NRF1: variants seen among roughly 807,000 people sequenced by gnomAD.
NRF1 encodes the protein nuclear respiratory factor 1, also known as alpha palindromic-binding protein.
A neutral mutation model predicts 58.5 loss-of-function variants in NRF1; 5 were observed. The observed-to-expected ratio is 0.09, with a 90% CI of 0.04 to 0.18. NRF1 has a LOEUF of 0.18. Ranked by LOEUF, NRF1 falls within the 10% of genes least tolerant of loss-of-function variation. The pLI is 1.00. For missense variants in NRF1, 288 were observed against 657.7 expected (o/e 0.44, Z 6.15); for synonymous variants, 224 against 246.7 (o/e 0.91, Z 0.86).
At chr7:129,705,376 C>T (rs906412711) in intron 5 of NRF1, among the ~76,000 whole-genome samples, 9 of 152,100 alleles carry the variant, frequency 5.9e-5, no homozygotes, top group East Asian at 1.9e-4. Flanking sequence ...CTGCAACCTC[C>T]GCCTCCCGGG....
chr7:129,634,808 C>T (rs1801132587), intron 1 of NRF1, among the ~76,000 whole-genome samples: 2 of 152,144 alleles, frequency 1.3e-5, no homozygotes, highest in South Asian at 4.1e-4. Context: ...TTTCAGGTTG[C>T]TCGTGTGTTT....
rs1019825405 is a variant in NRF1, at chr7:129,644,096, C to G, written c.-6-13250C>G. ...CCATGTCCTTGCAGTTTTGTCTTCTCTGTGCTCCCTTAACCCTTAGCAAAT... is the reference window on the plus strand; with the variant it reads ...CCATGTCCTTGCAGTTTTGTCTTCTGTGTGCTCCCTTAACCCTTAGCAAAT... On this transcript the variant is annotated intron_variant, in intron 1 of 10. Coordinates refer to ENST00000393232, the MANE Select transcript of NRF1 (RefSeq NM_005011.5). 4.6e-5 allele frequency among the ~76,000 whole-genome samples: 7 copies of G among 152,196 alleles called. No homozygotes were observed. The East Asian group carries it at 1.3e-3, about 29-fold the overall frequency.
chr7:129,657,355 G>T lies in NRF1; in HGVS notation c.4G>T (p.Glu2Ter), dbSNP rs1392038097. 1 of 1,613,082 alleles carries T rather than the reference G, an allele frequency of 6.2e-7. No individual in the cohort carries two copies. M[E>*]EHGVTQTEHM... ...TTTTGTCTGACAGTAGAACTTCATG[G>T]AGGAACACGGAGTGACCCAAACCGA... is the stretch of plus-strand genomic sequence containing the variant. The change falls in exon 2 of 11, where the codon GAG becomes TAG. Residue 2 changes from glutamate to a stop codon, truncating the protein, a stop_gained. Coordinates refer to ENST00000393232, the MANE Select transcript of NRF1 (RefSeq NM_005011.5). LOFTEE classifies it high-confidence loss of function.
intron 2 of NRF1, among the ~76,000 whole-genome samples, chr7:129,663,722 G>T (rs1006947090): frequency 3.6e-4 from 55 of 152,102 alleles, no homozygotes; most frequent in African/African-American, 1.3e-3. Flanking sequence ...TCCTAGACGG[G>T]GTGGCGGGCG....
intron 4 of NRF1, among the ~76,000 whole-genome samples, chr7:129,686,537 TAA>T (rs1026839448): frequency 1.3e-5 from 2 of 152,232 alleles, no homozygotes; most frequent in African/African-American, 4.8e-5. Context: ...GAAAGTTACT[TAA>T]GTTTATTAAG....
chr7:129,612,468 C>T (rs1351022311), intron 1 of NRF1, among the ~76,000 whole-genome samples: 1 of 152,172 alleles, frequency 6.6e-6, no homozygotes, highest in East Asian at 1.9e-4. Context: ...GCGCGTTGCC[C>T]ACCTTCTTGC....
chr7:129,649,140 C>T (rs1443099933), intron 1 of NRF1, among the ~76,000 whole-genome samples: 1 of 152,136 alleles, frequency 6.6e-6, no homozygotes, highest in Non-Finnish European at 1.5e-5. Context: ...ATTTTTACTG[C>T]TGTGGTGAGA....
chr7:129,663,425 G>A (rs1373798114), intron 2 of NRF1, among the ~76,000 whole-genome samples: 23 of 147,574 alleles, frequency 1.6e-4, no homozygotes, highest in South Asian at 1.1e-3. Flanking sequence ...GGTGGCGGCC[G>A]GGCAGAGGCG....
intron 1 of NRF1, among the ~76,000 whole-genome samples, chr7:129,622,172 C>G (rs1800813907): frequency 6.6e-6 from 1 of 152,080 alleles, no homozygotes; most frequent in African/African-American, 2.4e-5. Context: ...TTTTCATGTT[C>G]TTTCTTATAC....
chr7:129,615,715 T>C (rs1800645420), intron 1 of NRF1, among the ~76,000 whole-genome samples: 1 of 152,198 alleles, frequency 6.6e-6, no homozygotes, highest in South Asian at 2.1e-4. Context: ...TCAAGATACA[T>C]GTTAATTTTT....
chr7:129,642,751 T>TA (rs34163578), intron 1 of NRF1, among the ~76,000 whole-genome samples: 18 of 143,662 alleles, frequency 1.3e-4, no homozygotes, highest in Admixed American at 2.9e-4. Flanking sequence ...ATACATTCTT[T>TA]AAAAAATTTT....
intron 4 of NRF1, 99 bp from the exon 5 acceptor site, chr7:129,690,307 G>A: frequency 8.2e-7 from 1 of 1,222,472 alleles, no homozygotes; most frequent in Non-Finnish European, 1.2e-6. Context: ...GCTATGCAAT[G>A]GCTCAGGAAG....
chr7:129,658,314 A>G (rs1801704563), intron 2 of NRF1, among the ~76,000 whole-genome samples: 1 of 152,154 alleles, frequency 6.6e-6, no homozygotes, highest in African/African-American at 2.4e-5. Flanking sequence ...TATGTTGACT[A>G]GGCTCAGTGG....
At chr7:129,731,998 T>C (rs1242547030) in intron 10 of NRF1, among the ~76,000 whole-genome samples, 1 of 152,196 alleles carries the variant, frequency 6.6e-6, no homozygotes, top group African/African-American at 2.4e-5. Context: ...GTTCAGCCCA[T>C]TTGTTTTTCT....
intron 5 of NRF1, among the ~76,000 whole-genome samples, chr7:129,701,591 CAAA>C (rs59228978): frequency 3.2e-5 from 3 of 93,174 alleles, no homozygotes; most frequent in African/African-American, 4.1e-5. Flanking sequence ...GAGGCTGTCT[CAAA>C]AAAAAAAAAG....
chr7:129,619,459 CGTGTGT>C lies in NRF1; in HGVS notation c.-7+7662_-7+7667del, dbSNP rs199945725. Among the ~76,000 whole-genome samples, 190 of 61,064 alleles carry C rather than the reference CGTGTGT, an allele frequency of 3.1e-3. 2 individuals are homozygous for C. Among genetic ancestry groups the C allele is most frequent in the African/African-American group, 8.9e-3 (119 of 13,354 alleles). The allele number at this position is 61,064 out of a possible 152,430, so 40.1% of individuals were successfully genotyped here. ...ACACACACACACACATATATATACA[CGTGTGT>C]GTGTGTGTGTGTGTGTGTGTGTGTG... On this transcript the variant is annotated intron_variant, in intron 1 of 10. Coordinates refer to ENST00000393232, the MANE Select transcript of NRF1 (RefSeq NM_005011.5).
At chr7:129,634,096 A>G (rs1393661112) in intron 1 of NRF1, among the ~76,000 whole-genome samples, 1 of 144,902 alleles carries the variant, frequency 6.9e-6, no homozygotes, top group Non-Finnish European at 1.5e-5. Context: ...TTTATTTTTT[A>G]GAGCAGTTTT....
chr7:129,718,143 T>G (rs1016803685), intron 9 of NRF1, among the ~76,000 whole-genome samples: 4 of 152,212 alleles, frequency 2.6e-5, no homozygotes, highest in Non-Finnish European at 4.4e-5. Context: ...TTCTACTGGT[T>G]GTTGACAGGA....
At chr7:129,747,845 C>T (rs1804016012) in intron 10 of NRF1, among the ~76,000 whole-genome samples, 1 of 152,138 alleles carries the variant, frequency 6.6e-6, no homozygotes, top group Non-Finnish European at 1.5e-5. Flanking sequence ...GGTGTTAAGG[C>T]TGTTTGGTCT....
Sources: gnomAD v4.1 joint callset for allele counts (sites outside exome capture counted in the v4.1 genomes callset) on GRCh38, gnomAD v4.1.1 for gene constraint, MANE v1.5 for transcripts, NCBI Gene and HGNC (gene_info 2026-07-23, HGNC 2026-07-21) for gene names.